ENTREP2: variants seen among roughly 807,000 people sequenced by gnomAD.
ENTREP2 encodes protein ENTREP2.
the ENTREP2 span, among the ~76,000 whole-genome samples, chr15:29,511,091 G>C: frequency 6.6e-6 from 1 of 152,110 alleles, no homozygotes. Context: ...AACTAATGTA[G>C]ATGACGGGTT....
chr15:29,598,679 A>C, the ENTREP2 span, among the ~76,000 whole-genome samples: 34,677 of 142,264 alleles, frequency 0.24, 4,166 homozygotes, highest in South Asian at 0.36. Context: ...AGTGACCTAA[A>C]ATCTTTTTTT....
the ENTREP2 span, among the ~76,000 whole-genome samples, chr15:29,617,547 T>C: frequency 6.6e-6 from 1 of 152,202 alleles, no homozygotes; most frequent in Non-Finnish European, 1.5e-5. Flanking sequence ...CTGCTGCAAC[T>C]CATTATTTCA....
chr15:29,161,809 T>G, the ENTREP2 span, among the ~76,000 whole-genome samples: 2 of 152,138 alleles, frequency 1.3e-5, no homozygotes, highest in Non-Finnish European at 2.9e-5. Flanking sequence ...AGGATCATGG[T>G]GGACGGGAGG....
the ENTREP2 span, among the ~76,000 whole-genome samples, chr15:29,386,455 C>G: frequency 6.6e-6 from 1 of 152,198 alleles, no homozygotes; most frequent in Non-Finnish European, 1.5e-5. Flanking sequence ...TAAGGGAACT[C>G]CTCCGGTTTC....
the ENTREP2 span, among the ~76,000 whole-genome samples, chr15:29,554,392 G>C: frequency 6.6e-6 from 1 of 151,116 alleles, no homozygotes; most frequent in African/African-American, 2.4e-5. Context: ...GGGAGGGAGA[G>C]AGGGAGGAAA....
the ENTREP2 span, chr15:29,118,336 G>C: frequency 6.6e-6 from 1 of 152,316 alleles, no homozygotes; most frequent in Non-Finnish European, 1.5e-5. Context: ...TGACTGGTCT[G>C]TTACCTCAGC....
At chr15:29,534,106 CAAAAA>C in the ENTREP2 span, among the ~76,000 whole-genome samples, 7 of 44,908 alleles carry the variant, frequency 1.6e-4, no homozygotes, top group Admixed American at 3.9e-4. Flanking sequence ...GCCCCTTGGC[CAAAAA>C]AAAAAAAAAA....
At chr15:29,506,203 G>A in the ENTREP2 span, among the ~76,000 whole-genome samples, 2 of 152,106 alleles carry the variant, frequency 1.3e-5, no homozygotes, top group South Asian at 4.1e-4. Flanking sequence ...GTGAAGACAA[G>A]ATTAGAGAAA....
chr15:29,291,975 CCCA>C, the ENTREP2 span, among the ~76,000 whole-genome samples: 1 of 152,020 alleles, frequency 6.6e-6, no homozygotes, highest in Non-Finnish European at 1.5e-5. Context: ...GAAAAACTGC[CCCA>C]CCACCCAATG....
the ENTREP2 span, among the ~76,000 whole-genome samples, chr15:29,449,408 G>A: frequency 6.6e-6 from 1 of 152,200 alleles, no homozygotes; most frequent in South Asian, 2.1e-4. Flanking sequence ...CTTGATCACT[G>A]ACTGGATAGA....
At chr15:29,631,412 C>T in the ENTREP2 span, among the ~76,000 whole-genome samples, 1 of 152,116 alleles carries the variant, frequency 6.6e-6, no homozygotes, top group East Asian at 1.9e-4. Context: ...AGGCAGTTTC[C>T]CCGTTTAGAC....
the ENTREP2 span, among the ~76,000 whole-genome samples, chr15:29,359,046 T>C: frequency 2.6e-5 from 4 of 152,156 alleles, no homozygotes; most frequent in Non-Finnish European, 5.9e-5. Flanking sequence ...CAAGACCACT[T>C]TATATTATTA....
chr15:29,189,653 C>T, the ENTREP2 span, among the ~76,000 whole-genome samples: 1 of 152,016 alleles, frequency 6.6e-6, no homozygotes, highest in Non-Finnish European at 1.5e-5. Flanking sequence ...TTGTTGAATA[C>T]AGCAAAGCAC....
At chr15:29,371,038 T>A in the ENTREP2 span, among the ~76,000 whole-genome samples, 1 of 152,050 alleles carries the variant, frequency 6.6e-6, no homozygotes, top group Admixed American at 6.6e-5. Context: ...GTCATCATCA[T>A]CATCATCATC....
the ENTREP2 span, among the ~76,000 whole-genome samples, chr15:29,425,686 C>T: frequency 2.0e-5 from 3 of 151,844 alleles, no homozygotes; most frequent in Non-Finnish European, 4.4e-5. Flanking sequence ...CTATTTTGTT[C>T]AATTTTTGTT....
the ENTREP2 span, among the ~76,000 whole-genome samples, chr15:29,241,859 C>A: frequency 1.7e-5 from 1 of 59,412 alleles, no homozygotes; most frequent in Admixed American, 1.7e-4. Flanking sequence ...ACAGTGAGAC[C>A]CCCCCCCACC....
the ENTREP2 span, among the ~76,000 whole-genome samples, chr15:29,438,605 C>T: frequency 3.3e-5 from 5 of 152,112 alleles, no homozygotes; most frequent in Middle Eastern, 3.4e-3. Flanking sequence ...CCATCCAACC[C>T]GGCCCCTGTA....
At chr15:29,623,929 T>G in the ENTREP2 span, among the ~76,000 whole-genome samples, 1 of 152,158 alleles carries the variant, frequency 6.6e-6, no homozygotes, top group African/African-American at 2.4e-5. Flanking sequence ...AGAGACGGTT[T>G]CATCATGTTG....
chr15:29,571,146 G>A, the ENTREP2 span, among the ~76,000 whole-genome samples: 55 of 151,688 alleles, frequency 3.6e-4, no homozygotes, highest in African/African-American at 1.3e-3. Flanking sequence ...GCCGGGAGAG[G>A]GGCGGGGAAG....
Sources: allele counts gnomAD v4.1 joint callset (sites outside exome capture counted in the v4.1 genomes callset), GRCh38; gene constraint gnomAD v4.1.1; transcripts MANE v1.5; gene names NCBI Gene and HGNC (gene_info 2026-07-23, HGNC 2026-07-21).